PIP4K2A: variants seen among roughly 807,000 people sequenced by gnomAD.
PIP4K2A encodes the protein phosphatidylinositol-5-phosphate 4-kinase type 2 alpha.
In PIP4K2A, 14 loss-of-function variants were observed where a neutral mutation model predicts 42.9. The observed-to-expected ratio is 0.33, with a 90% confidence interval of 0.22 to 0.51. PIP4K2A has a LOEUF of 0.51. PIP4K2A is among the 20% of genes least tolerant of loss of function. PIP4K2A has a pLI of 0.97. For synonymous variants in PIP4K2A, 192 were observed against 192.2 expected, an observed-to-expected ratio of 1.00 and a Z score of 0.01; for missense variants, 434 against 519.8, an observed-to-expected ratio of 0.83 and a Z score of 1.61.
chr10:22,569,169 C>T, intron 5 of PIP4K2A: 1 of 774,082 alleles, frequency 1.3e-6, no homozygotes, highest in Admixed American at 2.1e-5. Context: ...AGAGACTCCT[C>T]ACATTGGGGA....
intron 8 of PIP4K2A, among the ~76,000 whole-genome samples, 188 bp from the exon 9 acceptor site, chr10:22,540,262 T>A (rs1836070067): frequency 6.6e-6 from 1 of 152,072 alleles, no homozygotes; most frequent in Non-Finnish European, 1.5e-5. Context: ...AGCTTGCCTC[T>A]CTGACCCAGT....
chr10:22,577,846 A>G (rs1837160619), intron 4 of PIP4K2A, among the ~76,000 whole-genome samples: 1 of 152,176 alleles, frequency 6.6e-6, no homozygotes, highest in Non-Finnish European at 1.5e-5. Flanking sequence ...ACAAAACACA[A>G]AACGCCCTCT....
chr10:22,707,132 T>G (rs1419871166), intron 1 of PIP4K2A, among the ~76,000 whole-genome samples: 1 of 152,158 alleles, frequency 6.6e-6, no homozygotes, highest in Admixed American at 6.5e-5. Context: ...TAAAGGATAG[T>G]AATAATGACA....
chr10:22,540,151 A>G, intron 8 of PIP4K2A, 77 bp from the exon 9 acceptor site: 1 of 515,718 alleles, frequency 1.9e-6, no homozygotes, highest in Admixed American at 2.0e-5. Flanking sequence ...GGAGGGAGGG[A>G]GGGAGAAGTG....
At chr10:22,679,907 G>C (rs1052407976) in intron 1 of PIP4K2A, among the ~76,000 whole-genome samples, 1 of 152,128 alleles carries the variant, frequency 6.6e-6, no homozygotes, top group African/African-American at 2.4e-5. Flanking sequence ...GTTTCTTTTA[G>C]AGAGGATGAA....
intron 3 of PIP4K2A, among the ~76,000 whole-genome samples, chr10:22,602,139 T>C (rs1383013750): frequency 6.6e-6 from 1 of 152,106 alleles, no homozygotes. Flanking sequence ...ACATCTGTAA[T>C]CCCAGTACTT....
At chr10:22,562,208 C>A (rs1328865940) in intron 6 of PIP4K2A, among the ~76,000 whole-genome samples, 2 of 148,594 alleles carry the variant, frequency 1.3e-5, no homozygotes, top group Non-Finnish European at 3.0e-5. Context: ...AAAGGGAAAG[C>A]AAAGACTTTT....
intron 6 of PIP4K2A, 48 bp from the exon 7 acceptor site, chr10:22,550,820 A>G: frequency 8.5e-7 from 1 of 1,175,352 alleles, no homozygotes. Context: ...AAGAAAACCT[A>G]AAAAAACCAC....
At chr10:22,612,800 C>T (rs949531111) in intron 1 of PIP4K2A, among the ~76,000 whole-genome samples, 8 of 152,264 alleles carry the variant, frequency 5.3e-5, no homozygotes, top group South Asian at 2.1e-4. Context: ...AAACTTCATG[C>T]GCTCTTGGGA....
At chr10:22,557,479 CTCACGTGTATGTGTACATAT>C (rs2130772648) in intron 6 of PIP4K2A, among the ~76,000 whole-genome samples, 1 of 152,348 alleles carries the variant, frequency 6.6e-6, no homozygotes, top group East Asian at 1.9e-4. Context: ...TGGGAATTAA[CTCACGTGTATGTGTACATAT>C]GTGCTTATTT....
intron 6 of PIP4K2A, among the ~76,000 whole-genome samples, chr10:22,552,803 G>A (rs1284733656): frequency 6.6e-6 from 1 of 152,168 alleles, no homozygotes; most frequent in Non-Finnish European, 1.5e-5. Flanking sequence ...TGGGAGGCGT[G>A]TGGGTGGGGG....
intron 4 of PIP4K2A, among the ~76,000 whole-genome samples, chr10:22,589,389 T>G (rs982801948): frequency 1.3e-5 from 2 of 152,174 alleles, no homozygotes; most frequent in African/African-American, 4.8e-5. Context: ...TCCTGGCACT[T>G]TAAAATTTCC....
chr10:22,640,348 G>C (rs903231508), intron 1 of PIP4K2A, among the ~76,000 whole-genome samples: 5 of 152,144 alleles, frequency 3.3e-5, no homozygotes, highest in Admixed American at 2.6e-4. Flanking sequence ...AGAAACCTTA[G>C]CAACAATCAG....
intron 3 of PIP4K2A, among the ~76,000 whole-genome samples, chr10:22,596,855 G>T (rs1209608847): frequency 6.6e-6 from 1 of 152,210 alleles, no homozygotes; most frequent in African/African-American, 2.4e-5. Flanking sequence ...CCCTGCAGGG[G>T]CCCTGCCCAG....
rs780617349 is a variant in PIP4K2A, at chr10:22,537,285, G to C, written c.1141-4C>G. ...CGGTGGAGATCTCCGCGCCAGCCTG[G>C]GCAGTTTTTAAAAAAGGAAATATTG... On this transcript the variant is annotated splice_polypyrimidine_tract_variant and splice_region_variant and intron_variant, in intron 9 of 9. Coordinates refer to ENST00000376573, the MANE Select transcript of PIP4K2A (RefSeq NM_005028.5). 6.3e-6 allele frequency: 10 copies of C among 1,587,438 alleles called. No individual in the cohort carries two copies.
intron 1 of PIP4K2A, among the ~76,000 whole-genome samples, chr10:22,688,305 C>G (rs888798191): frequency 5.9e-5 from 9 of 152,158 alleles, no homozygotes; most frequent in Non-Finnish European, 7.4e-5. Flanking sequence ...TATACAGACT[C>G]AAGATGAAGG....
chr10:22,561,275 T>C (rs751551499), intron 6 of PIP4K2A, among the ~76,000 whole-genome samples: 12 of 152,238 alleles, frequency 7.9e-5, no homozygotes, highest in Non-Finnish European at 1.6e-4. Flanking sequence ...TTCTGAGACT[T>C]GTTGCCATGA....
rs575862274 is a variant in PIP4K2A at position 22,554,967 on chromosome 10, T to G, written c.679-4195A>C. The stretch of plus-strand genomic sequence containing the variant: ...GGGCTGTTTTCTCTCTTGCATGAGG[T>G]AATCTGCTGCGGTGGGTTGGATTCC... On this transcript the variant is annotated intron_variant, in intron 6 of 9. Coordinates refer to ENST00000376573, the MANE Select transcript of PIP4K2A (RefSeq NM_005028.5). 2.0e-5 allele frequency among the ~76,000 whole-genome samples: 3 copies of G among 152,302 alleles called. No homozygotes were observed. The East Asian group carries it at 5.8e-4, about 29-fold the overall frequency.
chr10:22,607,315 G>A (rs980931764), intron 3 of PIP4K2A, among the ~76,000 whole-genome samples: 1 of 152,188 alleles, frequency 6.6e-6, no homozygotes, highest in Non-Finnish European at 1.5e-5. Flanking sequence ...GTGTGGGGAG[G>A]AGAGCAGCAG....
Sources: allele counts gnomAD v4.1 joint callset (sites outside exome capture counted in the v4.1 genomes callset), GRCh38; gene constraint gnomAD v4.1.1; transcripts MANE v1.5; gene names NCBI Gene and HGNC (gene_info 2026-07-23, HGNC 2026-07-21).